Variants in AKAP6 observed in about 807,000 individuals in gnomAD.
The protein encoded by AKAP6 is A-kinase anchor protein 6.
In AKAP6, 58 loss-of-function variants were observed where a neutral mutation model predicts 188.5. That is an observed-to-expected ratio of 0.31 (90% CI 0.25 to 0.38). The LOEUF is 0.38. AKAP6 is among the 10% of genes least tolerant of loss of function. The pLI is 1.00. For synonymous variants in AKAP6, 989 were observed against 998.6 expected (o/e 0.99, Z 0.18); for missense variants, 2,710 against 2,740.0 (o/e 0.99, Z 0.24).
intron 2 of AKAP6, among the ~76,000 whole-genome samples, chr14:32,496,600 AT>A (rs1183096159): frequency 1.3e-5 from 2 of 151,890 alleles, no homozygotes; most frequent in Non-Finnish European, 2.9e-5. Flanking sequence ...TGAAAAGAAT[AT>A]TTTCCTACTG....
chr14:32,334,405 G>T (rs1042073211), intron 1 of AKAP6, among the ~76,000 whole-genome samples: 2 of 152,066 alleles, frequency 1.3e-5, no homozygotes, highest in African/African-American at 2.4e-5. Context: ...CTTAATAGCC[G>T]TCTTGGTTTT....
chr14:32,738,713 C>T (rs923860070), intron 11 of AKAP6, among the ~76,000 whole-genome samples: 4 of 152,076 alleles, frequency 2.6e-5, no homozygotes, highest in African/African-American at 9.7e-5. Context: ...TACAAATTCC[C>T]ATCCTGTCAT....
At chr14:32,590,925 C>A (rs1379862176) in intron 5 of AKAP6, among the ~76,000 whole-genome samples, 1 of 152,184 alleles carries the variant, frequency 6.6e-6, no homozygotes, top group Non-Finnish European at 1.5e-5. Flanking sequence ...TTCCCCCTCT[C>A]AAATGCATGA....
chr14:32,745,768 C>G (rs1239196410), intron 11 of AKAP6, among the ~76,000 whole-genome samples: 3 of 152,182 alleles, frequency 2.0e-5, no homozygotes, highest in Non-Finnish European at 2.9e-5. Flanking sequence ...GCAAGTTCTC[C>G]CAGGCCCCTG....
intron 7 of AKAP6, among the ~76,000 whole-genome samples, chr14:32,609,579 G>T (rs1215265885): frequency 6.6e-6 from 1 of 152,048 alleles, no homozygotes; most frequent in African/African-American, 2.4e-5. Context: ...GCCAACACTT[G>T]TTTAGCTTTG....
intron 7 of AKAP6, chr14:32,627,965 T>C (rs1887095172): frequency 6.6e-6 from 1 of 152,120 alleles, no homozygotes; most frequent in African/African-American, 2.4e-5. Context: ...CTGCCAATTA[T>C]ATGGCGAAGG....
At chr14:32,797,021 T>C (rs569878353) in intron 12 of AKAP6, among the ~76,000 whole-genome samples, 5 of 152,214 alleles carry the variant, frequency 3.3e-5, no homozygotes, top group African/African-American at 1.2e-4. Context: ...TGAACTAATA[T>C]GAAAAAAGCT....
intron 2 of AKAP6, among the ~76,000 whole-genome samples, chr14:32,518,585 AAGGG>A (rs1485646336): frequency 6.6e-6 from 1 of 152,188 alleles, no homozygotes; most frequent in African/African-American, 2.4e-5. Context: ...AAGTGGAAGA[AAGGG>A]TATCAGTGAT....
At chr14:32,812,139 T>C (rs2034252748) in intron 12 of AKAP6, among the ~76,000 whole-genome samples, 2 of 152,014 alleles carry the variant, frequency 1.3e-5, no homozygotes, top group African/African-American at 4.8e-5. Flanking sequence ...GGAAAAAAAA[T>C]GGGGCCAGAT....
At chr14:32,746,546 G>A (rs2031918707) in intron 11 of AKAP6, among the ~76,000 whole-genome samples, 1 of 152,164 alleles carries the variant, frequency 6.6e-6, no homozygotes, top group Non-Finnish European at 1.5e-5. Context: ...TATCTGAGAT[G>A]CAAGACAGTC....
At chr14:32,614,020 T>C (rs1399542681) in intron 7 of AKAP6, among the ~76,000 whole-genome samples, 1 of 152,224 alleles carries the variant, frequency 6.6e-6, no homozygotes, top group East Asian at 1.9e-4. Context: ...GAGAACTTTT[T>C]AACTATTACT....
At chr14:32,623,778 T>A (rs889197821) in intron 7 of AKAP6, among the ~76,000 whole-genome samples, 9 of 152,166 alleles carry the variant, frequency 5.9e-5, no homozygotes, top group Non-Finnish European at 5.9e-5. Flanking sequence ...TTCCAGTTCA[T>A]AAAGCCGTAT....
At chr14:32,734,620 A>G (rs1209964164) in intron 10 of AKAP6, 1 of 152,092 alleles carries the variant, frequency 6.6e-6, no homozygotes, top group African/African-American at 2.4e-5. Context: ...CCTACCCTCC[A>G]AGGGCATTGA....
At position 32,837,114 on chromosome 14, in the gene AKAP6, C is replaced by T. The variant is rs1212785729; in HGVS notation, c.*7309C>T. ...ATCAACGTTTTAGACTGTACCATTG[C>T]TCTTTCTCCCTTCTTTATTCATTTT... On this transcript the variant is annotated 3_prime_UTR_variant, in exon 14 of 14. Transcript: ENST00000280979. The T allele has an allele frequency of 6.6e-6, 1 of 152,172 alleles. No homozygotes were observed. Among genetic ancestry groups the T allele is most frequent in the Admixed American group, 6.5e-5 (1 of 15,282 alleles). 9.4% of individuals were successfully genotyped at this position (152,172 alleles called of 1,614,324 possible).
At position 32,480,224 on chromosome 14, in the gene AKAP6, G is replaced by A. The variant is rs75871474; in HGVS notation, c.324+46407G>A. ...CTCCTATATCAGATATTTAGAAGAA[G>A]CAGTTGAACAGTTCTTTAGAGTTGG... On this transcript the variant is annotated intron_variant, in intron 2 of 13. Coordinates refer to ENST00000280979, the MANE Select transcript of AKAP6 (RefSeq NM_004274.5). Among the ~76,000 whole-genome samples the A allele has an allele frequency of 2.5e-3, 381 of 152,248 alleles. 4 individuals carry two copies. The highest frequency in any genetic ancestry group is 7.6e-3 in the African/African-American group (317 of 41,544).
intron 9 of AKAP6, among the ~76,000 whole-genome samples, chr14:32,699,299 G>A (rs369357562): frequency 4.0e-4 from 61 of 152,144 alleles, no homozygotes; most frequent in African/African-American, 1.4e-3. Context: ...CCTGAGTACA[G>A]CATCTATTGT....
intron 2 of AKAP6, among the ~76,000 whole-genome samples, chr14:32,509,111 G>A (rs917210592): frequency 5.9e-5 from 8 of 135,772 alleles, no homozygotes; most frequent in Non-Finnish European, 1.1e-4. Flanking sequence ...AAGCCACCAT[G>A]CCCTGCCTCT....
At chr14:32,573,852 T>C (rs2139253257) in intron 4 of AKAP6, among the ~76,000 whole-genome samples, 1 of 152,332 alleles carries the variant, frequency 6.6e-6, no homozygotes, top group East Asian at 1.9e-4. Context: ...TGAATACACC[T>C]GCACATCCAC....
rs1352941770 is a variant in AKAP6, at chr14:32,545,667, A to G, written c.1014A>G (p.Gln338=). 2 of 1,614,080 alleles carry G rather than the reference A, an allele frequency of 1.2e-6. No homozygotes were observed. The highest frequency in any genetic ancestry group is 4.5e-5 in the East Asian group (2 of 44,878). Residue 338 remains glutamine (Q), a synonymous_variant, in exon 4 of 14, where the codon CAA becomes CAG. Coordinates refer to ENST00000280979, the MANE Select transcript of AKAP6 (RefSeq NM_004274.5). ...GAGAAGCTCTGACAAATGCTGCTCA[A>G]CCCTCCTCTGAGACTGTGCAGCAAG... ...SSGEALTNAA[Q]PSSETVQQES... is the part of the protein sequence containing the mutation.
Sources: allele counts gnomAD v4.1 joint callset (sites outside exome capture counted in the v4.1 genomes callset), GRCh38; gene constraint gnomAD v4.1.1; transcripts MANE v1.5; gene names NCBI Gene and HGNC (gene_info 2026-07-23, HGNC 2026-07-21).